Variants in ZEB1 observed in about 807,000 individuals in gnomAD.
ZEB1 encodes the protein zinc finger E-box-binding homeobox 1.
Under a neutral mutation model 84.9 loss-of-function variants are expected in ZEB1, and 21 were observed. That is an observed-to-expected ratio of 0.25 (90% confidence interval 0.18 to 0.36). The LOEUF (loss-of-function observed/expected upper bound fraction) is 0.36, where lower values mean the gene tolerates loss of function less well. ZEB1 is among the 10% of genes least tolerant of loss of function. ZEB1 has a pLI of 1.00. For missense variants in ZEB1, 1,104 were observed against 1,330.2 expected, an observed-to-expected ratio of 0.83 and a Z score of 2.65; for synonymous variants, 420 against 471.1, an observed-to-expected ratio of 0.89 and a Z score of 1.41.
intron 1 of ZEB1, among the ~76,000 whole-genome samples, chr10:31,447,788 A>C (rs2136900667): frequency 6.6e-6 from 1 of 152,304 alleles, no homozygotes; most frequent in East Asian, 1.9e-4. Flanking sequence ...ATCAGCTGTT[A>C]GTCTGATGGG....
At chr10:31,493,207 CATACA>C (rs2066791595) in intron 2 of ZEB1, among the ~76,000 whole-genome samples, 1 of 152,010 alleles carries the variant, frequency 6.6e-6, no homozygotes, top group Non-Finnish European at 1.5e-5. Context: ...TAAATGAAAT[CATACA>C]GTATGTAACC....
chr10:31,319,366 G>T (rs1012528755), intron 1 of ZEB1, 74 bp downstream of exon 1: 9 of 1,506,262 alleles, frequency 6.0e-6, no homozygotes, highest in South Asian at 1.2e-5. Flanking sequence ...CGGGGGTGAG[G>T]GGGGCGAGCC....
At chr10:31,350,674 A>G (rs1564548312) in intron 1 of ZEB1, among the ~76,000 whole-genome samples, 1 of 152,226 alleles carries the variant, frequency 6.6e-6, no homozygotes, top group Non-Finnish European at 1.5e-5. Flanking sequence ...AGAATAACAA[A>G]AAATGAGTAG....
chr10:31,370,724 CTCTT>C (rs1350409322), intron 1 of ZEB1, among the ~76,000 whole-genome samples: 5 of 152,094 alleles, frequency 3.3e-5, no homozygotes, highest in African/African-American at 1.2e-4. Flanking sequence ...TAAGGTGTAA[CTCTT>C]TCTTTCTTTG....
chr10:31,523,447 A>G (rs896342687), intron 7 of ZEB1, among the ~76,000 whole-genome samples: 31 of 152,348 alleles, frequency 2.0e-4, no homozygotes, highest in African/African-American at 7.5e-4. Context: ...GGAGGATACA[A>G]TTGAAAGACC....
chr10:31,406,925 C>A (rs1044500410), intron 1 of ZEB1, among the ~76,000 whole-genome samples: 5 of 152,042 alleles, frequency 3.3e-5, no homozygotes, highest in Non-Finnish European at 7.4e-5. Context: ...AGCCAGTTTT[C>A]CCAACACCAT....
At chr10:31,392,919 C>G (rs554157755) in intron 1 of ZEB1, among the ~76,000 whole-genome samples, 36 of 152,256 alleles carry the variant, frequency 2.4e-4, no homozygotes, top group African/African-American at 8.7e-4. Context: ...ACTGGAGCCT[C>G]GACCTCTGAG....
At chr10:31,377,372 C>T (rs1187938082) in intron 1 of ZEB1, among the ~76,000 whole-genome samples, 3 of 151,628 alleles carry the variant, frequency 2.0e-5, no homozygotes, top group Non-Finnish European at 4.4e-5. Flanking sequence ...CCTGCTCTGC[C>T]ACTAATAAAC....
intron 1 of ZEB1, among the ~76,000 whole-genome samples, chr10:31,443,333 G>T (rs1326764515): frequency 2.6e-5 from 4 of 150,980 alleles, no homozygotes; most frequent in African/African-American, 7.3e-5. Context: ...TTTTTTCTGT[G>T]TATAGTTATG....
At chr10:31,507,080 A>G (rs2069108906) in intron 4 of ZEB1, among the ~76,000 whole-genome samples, 1 of 152,116 alleles carries the variant, frequency 6.6e-6, no homozygotes, top group Non-Finnish European at 1.5e-5. Flanking sequence ...TCTTTCATTT[A>G]TGAAGGATAA....
intron 2 of ZEB1, among the ~76,000 whole-genome samples, chr10:31,473,761 A>G (rs1335457700): frequency 8.0e-5 from 12 of 150,652 alleles, no homozygotes; most frequent in Admixed American, 2.0e-4. Context: ...AGTCAATCCT[A>G]AGCCAAAAGA....
intron 1 of ZEB1, among the ~76,000 whole-genome samples, chr10:31,373,390 T>TA (rs150461870): frequency 2.0e-5 from 3 of 151,988 alleles, no homozygotes; most frequent in African/African-American, 7.2e-5. Context: ...ATAAATAGTA[T>TA]AAAAGTATGG....
rs548615284 is a variant in ZEB1, at chr10:31,331,081, C to CTTTTT, written c.58+11811_58+11815dup. ...ATTTTCTTTTCTTTTTTCTTTCTTT[C>CTTTTT]TTTTTTTTTTTTTTTTTTTTTTTTT... is the stretch of plus-strand genomic sequence containing the variant. On this transcript the variant is annotated intron_variant, in intron 1 of 8. Transcript: ENST00000424869. Among the ~76,000 whole-genome samples the CTTTTT allele has an allele frequency of 4.8e-3, 373 of 77,854 alleles. 13 individuals carry two copies. The highest frequency in any genetic ancestry group is 0.012 in the African/African-American group (214 of 17,526). 51.1% of individuals were successfully genotyped at this position (77,854 alleles called of 152,430 possible).
intron 1 of ZEB1, among the ~76,000 whole-genome samples, chr10:31,362,480 CAG>C (rs923494083): frequency 1.4e-5 from 2 of 141,286 alleles, no homozygotes; most frequent in African/African-American, 5.3e-5. Flanking sequence ...ACTTCCCAGA[CAG>C]GGCGGCGGCC....
At position 31,521,358 on chromosome 10, in the gene ZEB1, G is replaced by C; in HGVS notation, c.2026G>C (p.Val676Leu). 6.2e-7 allele frequency: 1 copy of C among 1,614,076 alleles called. No individual in the cohort carries two copies. The highest frequency in any genetic ancestry group is 8.5e-7 in the Non-Finnish European group (1 of 1,180,012). ...TGCAAATGAACCCCAGGACAGCACAGTAAATCTACAAAGTCCTTTGAAGAT... is the reference window on the plus strand; with the variant it reads ...TGCAAATGAACCCCAGGACAGCACACTAAATCTACAAAGTCCTTTGAAGAT... ...ANANEPQDST[V>L]NLQSPLKMTN... The change falls in exon 7 of 9, where the codon GTA (valine) becomes CTA (leucine). Residue 676 changes from valine to leucine, a missense_variant. Around this residue, in one of 7 missense-constraint regions of ZEB1, gnomAD observed 531 missense variants for 575.2 expected, o/e 0.92. Coordinates refer to ENST00000424869, the MANE Select transcript of ZEB1 (RefSeq NM_001174096.2).
At chr10:31,452,863 T>A (rs1301006042) in intron 1 of ZEB1, among the ~76,000 whole-genome samples, 1 of 151,992 alleles carries the variant, frequency 6.6e-6, no homozygotes, top group African/African-American at 2.4e-5. Flanking sequence ...CACTCAGCAT[T>A]CATGCCTAAA....
chr10:31,522,688 G>T (rs1293598929), intron 7 of ZEB1, among the ~76,000 whole-genome samples: 1 of 152,164 alleles, frequency 6.6e-6, no homozygotes, highest in Admixed American at 6.5e-5. Context: ...TGTCACTGAT[G>T]TTGATGTTTT....
At chr10:31,445,007 G>C (rs1425956683) in intron 1 of ZEB1, among the ~76,000 whole-genome samples, 3 of 151,472 alleles carry the variant, frequency 2.0e-5, no homozygotes, top group Non-Finnish European at 4.4e-5. Context: ...ACCTTGGGCA[G>C]TATGGCCATT....
chr10:31,520,792 A>G lies in ZEB1; in HGVS notation c.1460A>G (p.Gln487Arg), dbSNP rs984474944. 3 of 1,614,062 alleles carry G rather than the reference A, an allele frequency of 1.9e-6. No homozygotes were observed. The African/African-American group carries it at 4.0e-5, about 22-fold the overall frequency. ...AGTCTTGAGCAGCCTAGCCAACTTC[A>G]AGTTGTTCCTCAAAATTTAAAAAAA... ...NYSLEQPSQL[Q>R]VVPQNLKKEN... The change falls in exon 7 of 9, where the codon CAA (glutamine) becomes CGA (arginine). Residue 487 changes from glutamine (Q) to arginine (R), a missense_variant. Gln to Arg is a conservative substitution (Grantham distance 43, BLOSUM62 1). This residue lies in a region of ZEB1 where 531 missense variants were observed against 575.2 expected (regional missense o/e 0.92). Transcript: ENST00000424869. The surrounding 1 kb of genome is among the most constrained non-coding windows in gnomAD (Gnocchi z 5.1).
Sources: allele counts gnomAD v4.1 joint callset (sites outside exome capture counted in the v4.1 genomes callset), GRCh38; gene constraint gnomAD v4.1.1; regional missense constraint gnomAD v4.1.1; non-coding constraint Gnocchi (gnomAD v3.1); transcripts MANE v1.5; gene names NCBI Gene and HGNC (gene_info 2026-07-23, HGNC 2026-07-21).